Variants in CHD2 observed in about 807,000 individuals in gnomAD.
The protein encoded by CHD2 is ATP-dependent chromatin remodeler CHD2.
Under a neutral mutation model 243.9 loss-of-function variants are expected in CHD2, and 28 were observed. The observed-to-expected ratio is 0.11, with a 90% confidence interval of 0.09 to 0.16. CHD2 has a LOEUF of 0.16. Ranked by LOEUF, CHD2 falls within the 10% of genes least tolerant of loss-of-function variation. The pLI is 1.00. For synonymous variants in CHD2, 775 were observed against 779.0 expected, an observed-to-expected ratio of 0.99 and a Z score of 0.09; for missense variants, 1,386 against 2,209.8, an observed-to-expected ratio of 0.63 and a Z score of 7.47.
chr15:92,927,756 CTTAA>C (rs1410652357), intron 4 of CHD2, among the ~76,000 whole-genome samples: 5 of 152,150 alleles, frequency 3.3e-5, no homozygotes, highest in South Asian at 2.1e-4. Context: ...GGAGGGAGTG[CTTAA>C]TTAATGTATC....
At chr15:92,907,311 T>G (rs2052641705) in intron 2 of CHD2, among the ~76,000 whole-genome samples, 1 of 152,226 alleles carries the variant, frequency 6.6e-6, no homozygotes, top group Non-Finnish European at 1.5e-5. Context: ...TGGGTCTTCT[T>G]GTTTGGTATT....
intron 5 of CHD2, among the ~76,000 whole-genome samples, 179 bp from the exon 6 acceptor site, chr15:92,937,339 A>T (rs943651928): frequency 4.6e-5 from 7 of 152,226 alleles, no homozygotes; most frequent in Non-Finnish European, 8.8e-5. Flanking sequence ...AGGAATCGAT[A>T]TTATGTAGTC....
Position 92,972,805 on chromosome 15 carries a change from C to A in CHD2, c.2505+388C>A, listed in dbSNP as rs1272485705. Among the ~76,000 whole-genome samples, 4 of 10,618 alleles carry A rather than the reference C, an allele frequency of 3.8e-4. 1 individual carries two copies. Among genetic ancestry groups the A allele is most frequent in the African/African-American group, 5.3e-4 (4 of 7,504 alleles). 7.0% of individuals were successfully genotyped at this position (10,618 alleles called of 152,430 possible). On this transcript the variant is annotated intron_variant, in intron 19 of 38. Coordinates refer to ENST00000394196, the MANE Select transcript of CHD2 (RefSeq NM_001271.4). ...GGCGGAGCTTGCAGTGAGCCGAGAT[C>A]CCGCCACTGCACTCCAGCCTGGGCG...
At position 92,998,697 on chromosome 15, in the gene CHD2, G is replaced by A. The variant is rs2054214046; in HGVS notation, c.4008+76G>A. 1.2e-5 allele frequency: 19 copies of A among 1,524,480 alleles called. No individual in the cohort carries two copies. The South Asian group carries it at 2.0e-4, about 16-fold the overall frequency. The allele number at this position is 1,524,480 out of a possible 1,614,324, so 94.4% of individuals were successfully genotyped here. ...TGCAGAATTAGGTAGGAAGAGAGAGGCCCTCTCTGAGCACTGCACAGAATG... is the reference window on the plus strand; with the variant it reads ...TGCAGAATTAGGTAGGAAGAGAGAGACCCTCTCTGAGCACTGCACAGAATG... On this transcript the variant is annotated intron_variant, in intron 31 of 38. Coordinates refer to ENST00000394196, the MANE Select transcript of CHD2 (RefSeq NM_001271.4). The surrounding 1 kb of genome is among the most constrained non-coding windows in gnomAD (Gnocchi z 5.1).
chr15:92,953,420 C>G lies in CHD2; in HGVS notation c.1566C>G (p.Phe522Leu). 1 of 1,614,100 alleles carries G rather than the reference C, an allele frequency of 6.2e-7. No individual in the cohort carries two copies. Among genetic ancestry groups the G allele is most frequent in the Non-Finnish European group, 8.5e-7 (1 of 1,180,012 alleles). Reference sequence around the variant, plus strand: ...GAAAGACCATCCAGACCATATCATTCCTCTCCTACCTGTTCCACCAACACC... The same window carrying G: ...GAAAGACCATCCAGACCATATCATTGCTCTCCTACCTGTTCCACCAACACC... ...GLGKTIQTIS[F>L]LSYLFHQHQL... The change falls in exon 14 of 39, where the codon TTC becomes TTG. Residue 522 changes from phenylalanine to leucine, a missense_variant. Physicochemically the swap from Phe to Leu is conservative, Grantham distance 22. This residue lies in a region of CHD2 where 63 missense variants were observed against 108.8 expected (regional missense o/e 0.58). Transcript: ENST00000394196.
chr15:92,918,802 TAC>T (rs1290042799), intron 2 of CHD2, among the ~76,000 whole-genome samples: 24 of 151,516 alleles, frequency 1.6e-4, no homozygotes, highest in Non-Finnish European at 1.5e-5. Context: ...ACGCTATATA[TAC>T]ACACATATAT....
intron 5 of CHD2, among the ~76,000 whole-genome samples, chr15:92,933,911 C>T (rs1222411956): frequency 6.6e-6 from 1 of 152,162 alleles, no homozygotes; most frequent in African/African-American, 2.4e-5. Flanking sequence ...CGGCCCTTTT[C>T]CAGTGTTTTG....
intron 34 of CHD2, among the ~76,000 whole-genome samples, chr15:93,008,639 T>G (rs2054352352): frequency 6.6e-6 from 1 of 152,230 alleles, no homozygotes; most frequent in Non-Finnish European, 1.5e-5. Flanking sequence ...TTGTCTCTTT[T>G]AAGGACAGTC....
At chr15:92,960,086 A>G (rs991463425) in intron 16 of CHD2, among the ~76,000 whole-genome samples, 5 of 152,200 alleles carry the variant, frequency 3.3e-5, no homozygotes, top group Admixed American at 6.5e-5. Context: ...AATCTTATAC[A>G]TTCAAAATAT....
rs2054582527 is a variant in CHD2 at position 93,025,804 on chromosome 15, A to G, written c.*1099A>G. On this transcript the variant is annotated 3_prime_UTR_variant, in exon 39 of 39. Coordinates refer to ENST00000394196, the MANE Select transcript of CHD2 (RefSeq NM_001271.4). ...GCGCTAGGTCAACACTTCCTGCTGC[A>G]TTTCCTTCCCTTTGCACAGCTTGAA... 6.6e-6 allele frequency: 1 copy of G among 152,208 alleles called. No homozygotes were observed. Among genetic ancestry groups the G allele is most frequent in the African/African-American group, 2.4e-5 (1 of 41,442 alleles). The allele number at this position is 152,208 out of a possible 1,614,324, so 9.4% of individuals were successfully genotyped here.
chr15:92,902,265 G>C (rs1418783660), intron 2 of CHD2: 1 of 397,576 alleles, frequency 2.5e-6, no homozygotes, highest in Non-Finnish European at 4.4e-6. Flanking sequence ...TACCTTGTTA[G>C]TGATGAAGTA....
Position 92,948,938 on chromosome 15 carries a change from C to A in CHD2, c.1378-14C>A. ...GTAAGAACATTTTCTCAGACTTGGG[C>A]TTTTGTTTTTCAGGCCCTGAAGCAG... is the stretch of plus-strand genomic sequence containing the variant. On this transcript the variant is annotated splice_polypyrimidine_tract_variant and intron_variant, in intron 12 of 38. Coordinates refer to ENST00000394196, the MANE Select transcript of CHD2 (RefSeq NM_001271.4). 6.2e-7 allele frequency: 1 copy of A among 1,608,308 alleles called. No individual in the cohort carries two copies. Among genetic ancestry groups the A allele is most frequent in the South Asian group, 1.1e-5 (1 of 90,364 alleles).
chr15:92,938,567 A>G (rs1378871189), intron 6 of CHD2, among the ~76,000 whole-genome samples: 1 of 152,164 alleles, frequency 6.6e-6, no homozygotes, highest in Non-Finnish European at 1.5e-5. Context: ...ACTGAATTTT[A>G]TCTTATTTTA....
At chr15:92,948,908 T>G (rs369023406) in intron 12 of CHD2, 44 bp from the exon 13 acceptor site, 9 of 1,586,446 alleles carry the variant, frequency 5.7e-6, no homozygotes, top group African/African-American at 1.4e-5. Flanking sequence ...TTTAACATAG[T>G]AGCAGTAAGA....
chr15:92,972,795 G>A (rs2053858930), intron 19 of CHD2, among the ~76,000 whole-genome samples: 1 of 10,772 alleles, frequency 9.3e-5, no homozygotes, highest in African/African-American at 1.3e-4. Flanking sequence ...AGCTTGCAGT[G>A]AGCCGAGATC....
At chr15:92,944,946 TATTTAGTATTTAAAGGCCAAG>T (rs2053438416) in intron 10 of CHD2, 1 of 152,520 alleles carries the variant, frequency 6.6e-6, no homozygotes, top group Admixed American at 6.5e-5. Flanking sequence ...AATTTATCAG[TATTTAGTATTTAAAGGCCAAG>T]ATTGAACAGG....
intron 4 of CHD2, among the ~76,000 whole-genome samples, chr15:92,928,639 A>G (rs938467439): frequency 6.6e-6 from 1 of 152,236 alleles, no homozygotes; most frequent in African/African-American, 2.4e-5. Context: ...TAAAATTCGC[A>G]TTAGTTAAAA....
chr15:92,954,400 T>TG, intron 14 of CHD2: 1 of 152,376 alleles, frequency 6.6e-6, no homozygotes, highest in South Asian at 2.1e-4. Flanking sequence ...TCTGGGAAAT[T>TG]GCTTGTAATA....
chr15:92,907,303 G>T (rs533694635), intron 2 of CHD2, among the ~76,000 whole-genome samples: 2 of 152,206 alleles, frequency 1.3e-5, no homozygotes, highest in East Asian at 3.9e-4. Context: ...TTTGGTTATG[G>T]GTCTTCTTGT....
Sources: gnomAD v4.1 joint callset for allele counts (sites outside exome capture counted in the v4.1 genomes callset) on GRCh38, gnomAD v4.1.1 for gene constraint, gnomAD v4.1.1 regional missense constraint, Gnocchi (gnomAD v3.1) non-coding constraint, MANE v1.5 for transcripts, NCBI Gene and HGNC (gene_info 2026-07-23, HGNC 2026-07-21) for gene names.